PTPN1: variants seen among roughly 807,000 people sequenced by gnomAD.
PTPN1 encodes the protein protein tyrosine phosphatase non-receptor type 1.
In PTPN1, 12 loss-of-function variants were observed where a neutral mutation model predicts 59.9. That is an observed-to-expected ratio of 0.20 (90% CI 0.13 to 0.32). The LOEUF (loss-of-function observed/expected upper bound fraction) is 0.32. Among genes scored for constraint, PTPN1 ranks in the 10% least tolerant of loss-of-function variants. The probability of loss-of-function intolerance (pLI) is 1.00; values close to 1 mark genes in which losing one functional copy is unlikely to be tolerated. For missense variants in PTPN1, 356 were observed against 549.2 expected (o/e 0.65, Z 3.52); for synonymous variants, 178 against 203.6 (o/e 0.87, Z 1.07).
intron 1 of PTPN1, among the ~76,000 whole-genome samples, chr20:50,548,927 AG>A (rs776301360): frequency 6.6e-6 from 1 of 152,182 alleles, no homozygotes; most frequent in Non-Finnish European, 1.5e-5. Context: ...CCTGTTGGCC[AG>A]GCTGGTCTTG....
chr20:50,517,458 T>C (rs959301236), intron 1 of PTPN1, among the ~76,000 whole-genome samples: 2 of 152,098 alleles, frequency 1.3e-5, no homozygotes, highest in African/African-American at 4.8e-5. Flanking sequence ...GGGATTTTGC[T>C]GTGTTGCCCA....
rs1375361554 is a variant in PTPN1 at position 50,510,523 on chromosome 20, C to T, written c.-5C>T. The T allele has an allele frequency of 1.9e-6, 3 of 1,549,538 alleles. No individual in the cohort carries two copies. Among genetic ancestry groups the T allele is most frequent in the Non-Finnish European group, 2.6e-6 (3 of 1,146,108 alleles). On this transcript the variant is annotated 5_prime_UTR_variant, in exon 1 of 10. Transcript: ENST00000371621. ...AAGGAGGCGCAGCAGCCGCCCTGGC[C>T]CGTCATGGAGATGGAAAAGGAGTTC...
chr20:50,542,045 A>C (rs2082655346), intron 1 of PTPN1, among the ~76,000 whole-genome samples: 1 of 152,224 alleles, frequency 6.6e-6, no homozygotes, highest in South Asian at 2.1e-4. Context: ...GAACTCATTG[A>C]GGACAGGGAC....
At chr20:50,558,255 A>G (rs2082734719) in intron 1 of PTPN1, among the ~76,000 whole-genome samples, 1 of 152,242 alleles carries the variant, frequency 6.6e-6, no homozygotes, top group Non-Finnish European at 1.5e-5. Context: ...TCCAGTAGAC[A>G]TATAATACAA....
chr20:50,550,025 A>G (rs113401621), intron 1 of PTPN1, among the ~76,000 whole-genome samples: 95 of 152,280 alleles, frequency 6.2e-4, no homozygotes, highest in African/African-American at 2.2e-3. Context: ...AACATGCATT[A>G]CTTTGAAGAT....
intron 1 of PTPN1, among the ~76,000 whole-genome samples, chr20:50,552,206 G>C (rs1489889682): frequency 6.6e-6 from 1 of 151,954 alleles, no homozygotes; most frequent in Admixed American, 6.6e-5. Flanking sequence ...AATTGCGTAG[G>C]TCCTATCACC....
At chr20:50,537,353 T>C (rs190903670) in intron 1 of PTPN1, among the ~76,000 whole-genome samples, 5 of 152,124 alleles carry the variant, frequency 3.3e-5, no homozygotes, top group Admixed American at 2.6e-4. Flanking sequence ...ATAAATAAAC[T>C]TTAAAAATAA....
intron 5 of PTPN1, among the ~76,000 whole-genome samples, chr20:50,575,941 A>G (rs1282408311): frequency 6.6e-6 from 1 of 151,976 alleles, no homozygotes; most frequent in Non-Finnish European, 1.5e-5. Flanking sequence ...ATAAATAAAT[A>G]AAAAAAATAG....
chr20:50,544,434 G>A lies in PTPN1; in HGVS notation c.64-16929G>A, dbSNP rs2082666112. ...GCCTCCCAAAGTGCTGGTATTACAG[G>A]TGTAAGCCATTGCGCCCTGCCTGAT... is the stretch of plus-strand genomic sequence containing the variant. On this transcript the variant is annotated intron_variant, in intron 1 of 9. Coordinates refer to ENST00000371621, the MANE Select transcript of PTPN1 (RefSeq NM_002827.4). Among the ~76,000 whole-genome samples the A allele has an allele frequency of 2.0e-5, 3 of 152,214 alleles. No homozygotes were observed. The South Asian group carries it at 6.2e-4, about 32-fold the overall frequency.
chr20:50,569,290 C>T (rs1451144485), intron 4 of PTPN1, among the ~76,000 whole-genome samples: 1 of 152,216 alleles, frequency 6.6e-6, no homozygotes, highest in African/African-American at 2.4e-5. Flanking sequence ...GACCTCTCAC[C>T]ACTCTTGGAA....
intron 1 of PTPN1, among the ~76,000 whole-genome samples, chr20:50,550,122 A>T (rs2082695645): frequency 6.6e-6 from 1 of 152,152 alleles, no homozygotes; most frequent in Admixed American, 6.5e-5. Flanking sequence ...AGTTCCAGGA[A>T]ATGTACACTG....
At chr20:50,563,227 C>T (rs2082761609) in intron 2 of PTPN1, 2 of 152,140 alleles carry the variant, frequency 1.3e-5, no homozygotes, top group Admixed American at 1.3e-4. Flanking sequence ...TATCCTCCTC[C>T]CCTACTCCTA....
chr20:50,518,755 C>T (rs929950471), intron 1 of PTPN1, among the ~76,000 whole-genome samples: 3 of 152,132 alleles, frequency 2.0e-5, no homozygotes, highest in Non-Finnish European at 4.4e-5. Context: ...TCCCTGTTGC[C>T]ATAGTGTTAA....
intron 1 of PTPN1, among the ~76,000 whole-genome samples, chr20:50,530,461 C>A (rs570783328): frequency 6.6e-6 from 1 of 151,942 alleles, no homozygotes; most frequent in Non-Finnish European, 1.5e-5. Flanking sequence ...TAGGTTCAAG[C>A]GAATCTCCTG....
intron 7 of PTPN1, 99 bp from the exon 8 acceptor site, chr20:50,579,604 G>C: frequency 9.1e-7 from 1 of 1,100,030 alleles, no homozygotes; most frequent in Non-Finnish European, 1.3e-6. Context: ...GAGGCCGAGA[G>C]CCCCTCGCCA....
intron 1 of PTPN1, among the ~76,000 whole-genome samples, chr20:50,526,226 A>T (rs2082574843): frequency 6.6e-6 from 1 of 151,870 alleles, no homozygotes; most frequent in Admixed American, 6.6e-5. Flanking sequence ...CTGTTGTTGT[A>T]TTTAATTTAA....
chr20:50,539,818 G>A (rs559433171), intron 1 of PTPN1, among the ~76,000 whole-genome samples: 1 of 151,596 alleles, frequency 6.6e-6, no homozygotes, highest in Non-Finnish European at 1.5e-5. Flanking sequence ...CCATGTCTTG[G>A]TGTTGGCTGT....
chr20:50,510,398 C>T lies in PTPN1; in HGVS notation c.-130C>T, dbSNP rs2082500114. 3.1e-6 allele frequency: 3 copies of T among 954,114 alleles called. No individual in the cohort carries two copies. Among genetic ancestry groups the T allele is most frequent in the South Asian group, 1.6e-5 (1 of 64,042 alleles). The allele number at this position is 954,114 out of a possible 1,614,324, so 59.1% of individuals were successfully genotyped here. The stretch of plus-strand genomic sequence containing the variant: ...GCCGGTTGACATGAAGAAGCAGCAG[C>T]GGCTAGGGCGGCGGTAGCTGCAGGG... On this transcript the variant is annotated 5_prime_UTR_variant, in exon 1 of 10. Transcript: ENST00000371621.
rs180920326 is a variant in PTPN1, at chr20:50,544,834, G to A, written c.64-16529G>A. ...AGCCTGGCCAACACAGTGAAACCCC[G>A]TCTCTACTAAAACTAGAAATAATTA... is the stretch of plus-strand genomic sequence containing the variant. On this transcript the variant is annotated intron_variant, in intron 1 of 9. Transcript: ENST00000371621. Among the ~76,000 whole-genome samples the A allele has an allele frequency of 1.2e-3, 184 of 152,192 alleles. 3 individuals carry two copies. In the East Asian group the frequency reaches 0.025, roughly 21 times the overall value.
Sources: allele counts gnomAD v4.1 joint callset (sites outside exome capture counted in the v4.1 genomes callset), GRCh38; gene constraint gnomAD v4.1.1; transcripts MANE v1.5; gene names NCBI Gene and HGNC (gene_info 2026-07-23, HGNC 2026-07-21).